CCAR2: variants seen among roughly 807,000 people sequenced by gnomAD.
The protein encoded by CCAR2 is cell cycle and apoptosis regulator 2, also known as cell cycle and apoptosis regulator protein 2.
CCAR2 carries 21 observed loss-of-function variants against 108.1 expected under a neutral mutation model. The observed-to-expected ratio is 0.19, with a 90% confidence interval of 0.14 to 0.28. The LOEUF (loss-of-function observed/expected upper bound fraction) is 0.28. CCAR2 is among the 10% of genes least tolerant of loss of function. The probability of loss-of-function intolerance (pLI) is 1.00; values close to 1 mark genes in which losing one functional copy is unlikely to be tolerated. For missense variants in CCAR2, 1,126 were observed against 1,177.0 expected, an observed-to-expected ratio of 0.96 and a Z score of 0.63; for synonymous variants, 577 against 472.8, an observed-to-expected ratio of 1.22 and a Z score of -2.86.
intron 7 of CCAR2, among the ~76,000 whole-genome samples, chr8:22,609,377 C>G (rs998596347): frequency 3.3e-5 from 5 of 152,154 alleles, no homozygotes; most frequent in Non-Finnish European, 7.4e-5. Flanking sequence ...GTCTCGAACT[C>G]CTGGGCTCAA....
intron 7 of CCAR2, among the ~76,000 whole-genome samples, chr8:22,611,296 A>T (rs1198755975): frequency 6.6e-6 from 1 of 150,458 alleles, no homozygotes; most frequent in Non-Finnish European, 1.5e-5. Context: ...GGGAGGCAGA[A>T]GTTGCAGTGA....
Position 22,618,540 on chromosome 8 carries a change from T to C in CCAR2, c.2220+45T>C, listed in dbSNP as rs371269874. 3.1e-6 allele frequency: 5 copies of C among 1,613,982 alleles called. No homozygotes were observed. In the African/African-American group the frequency reaches 6.7e-5, roughly 22 times the overall value. On this transcript the variant is annotated intron_variant, in intron 17 of 20. Coordinates refer to ENST00000308511, the MANE Select transcript of CCAR2 (RefSeq NM_001393997.1). ...CCAGCACATGGGCACAGGCCTGCAC[T>C]TACTCCTGCTCTAGGTTCCCGCCCA... is the stretch of plus-strand genomic sequence containing the variant.
rs765432499 is a variant in CCAR2 at position 22,612,941 on chromosome 8, A to C, written c.585-76A>C. The C allele has an allele frequency of 1.2e-5, 17 of 1,454,814 alleles. No homozygotes were observed. In the South Asian group the frequency reaches 2.2e-4, roughly 18 times the overall value. The allele number at this position is 1,454,814 out of a possible 1,614,324, so 90.1% of individuals were successfully genotyped here. On this transcript the variant is annotated intron_variant, in intron 7 of 20. Transcript: ENST00000308511. ...AATGTGAGGGATTTCGATTGTTTCC[A>C]GTTCTTTTAGTTCAGTTTGTATTGA...
intron 7 of CCAR2, among the ~76,000 whole-genome samples, chr8:22,612,483 G>T (rs561503815): frequency 6.7e-6 from 1 of 148,442 alleles, no homozygotes; most frequent in Non-Finnish European, 1.5e-5. Context: ...GGCCAGGATG[G>T]TCTCGATCTC....
chr8:22,612,178 C>T (rs567122530), intron 7 of CCAR2, among the ~76,000 whole-genome samples: 146 of 152,314 alleles, frequency 9.6e-4, no homozygotes, highest in Middle Eastern at 3.4e-3. Flanking sequence ...AACTCCCGAC[C>T]TCAAGTGATC....
In CCAR2 at chr8:22,614,281, C is replaced by T. The variant is rs917812647; in HGVS notation, c.894C>T (p.Ile298=). ...CTCCAGACGCTGGTGCTGAGCCCAT[C>T]ACTGCAGACAGTGACCCCGCTTATA... ...EAAPDAGAEP[I]TADSDPAYSS... is the part of the protein sequence containing the mutation. The change falls in exon 9 of 21, where the codon ATC becomes ATT. Residue 298 remains isoleucine (I), a synonymous_variant. Transcript: ENST00000308511. The T allele has an allele frequency of 1.9e-6, 3 of 1,614,000 alleles. No homozygotes were observed. Among genetic ancestry groups the T allele is most frequent in the Admixed American group, 1.7e-5 (1 of 60,000 alleles).
chr8:22,615,545 G>C lies in CCAR2; in HGVS notation c.1326G>C (p.Leu442=). The change falls in exon 12 of 21, where the codon CTG becomes CTC. Residue 442 remains leucine, a synonymous_variant. Transcript: ENST00000308511. ...IMPTLEEWEA[L]CQQKAAEAAP... Reference sequence around the variant, plus strand: ...CTACTTTGGAGGAGTGGGAGGCCCTGTGCCAGCAGAAAGCTGCAGAGGCAG... The same window carrying C: ...CTACTTTGGAGGAGTGGGAGGCCCTCTGCCAGCAGAAAGCTGCAGAGGCAG... 2 of 1,613,988 alleles carry C rather than the reference G, an allele frequency of 1.2e-6. No individual in the cohort carries two copies. Among genetic ancestry groups the C allele is most frequent in the Non-Finnish European group, 8.5e-7 (1 of 1,180,034 alleles).
chr8:22,621,498 G>A (rs2117487246), downstream of CCAR2: 7 of 1,613,984 alleles, frequency 4.3e-6, no homozygotes, highest in Middle Eastern at 3.3e-4. Flanking sequence ...CTGCTCATCG[G>A]AGTGGCCTGG....
intron 11 of CCAR2, 173 bp downstream of exon 11, chr8:22,615,174 C>T: frequency 1.0e-6 from 1 of 982,810 alleles, no homozygotes; most frequent in Non-Finnish European, 1.5e-6. Flanking sequence ...TCTGGCTGAG[C>T]CACCAGGCTG....
Position 22,605,936 on chromosome 8 carries a change from G to C in CCAR2, c.58+105G>C, listed in dbSNP as rs1801060833. ...GCAATTTGCTGCTGATGTTCCTCTGGAAAGCAGGAGATGCCCACAGTGATT... is the reference window on the plus strand; with the variant it reads ...GCAATTTGCTGCTGATGTTCCTCTGCAAAGCAGGAGATGCCCACAGTGATT... On this transcript the variant is annotated intron_variant, in intron 2 of 20. Coordinates refer to ENST00000308511, the MANE Select transcript of CCAR2 (RefSeq NM_001393997.1). 4 of 1,322,374 alleles carry C rather than the reference G, an allele frequency of 3.0e-6. No individual in the cohort carries two copies. The Admixed American group carries it at 7.0e-5, about 23-fold the overall frequency. 81.9% of individuals were successfully genotyped at this position (1,322,374 alleles called of 1,614,324 possible).
In CCAR2 at chr8:22,618,373, G is replaced by C. The variant is rs1334215279; in HGVS notation, c.2098G>C (p.Val700Leu). The C allele has an allele frequency of 1.2e-6, 2 of 1,614,136 alleles. No homozygotes were observed. The highest frequency in any genetic ancestry group is 1.7e-5 in the Admixed American group (1 of 60,012). Residue 700 changes from valine (V) to leucine (L), a missense_variant, in exon 17 of 21, where the codon GTG becomes CTG. Physicochemically the swap from Val to Leu is conservative, Grantham distance 32. This residue lies in a region of CCAR2 where 1,013 missense variants were observed against 993.9 expected (regional missense o/e 1.02). Coordinates refer to ENST00000308511, the MANE Select transcript of CCAR2 (RefSeq NM_001393997.1). ...DMPKELDPSA[V>L]LPLDCLLAFV... ...GCCCAAGGAGCTGGATCCCTCTGCT[G>C]TGCTCCCCTTAGACTGTCTGCTTGC...
chr8:22,605,770 C>T lies in CCAR2; in HGVS notation c.-4C>T. ...CACGACTCTGAAAGAGGACAGCGTTCCCAATGTCCCAGTTTAAGCGCCAGC... is the reference window on the plus strand; with the variant it reads ...CACGACTCTGAAAGAGGACAGCGTTTCCAATGTCCCAGTTTAAGCGCCAGC... On this transcript the variant is annotated 5_prime_UTR_variant, in exon 2 of 21. Coordinates refer to ENST00000308511, the MANE Select transcript of CCAR2 (RefSeq NM_001393997.1). The T allele has an allele frequency of 4.3e-6, 7 of 1,613,390 alleles. No individual in the cohort carries two copies. Among genetic ancestry groups the T allele is most frequent in the Non-Finnish European group, 5.9e-6 (7 of 1,179,390 alleles).
At chr8:22,616,584 G>A (rs1053893250) in intron 14 of CCAR2, 8 of 319,522 alleles carry the variant, frequency 2.5e-5, no homozygotes, top group Non-Finnish European at 4.2e-5. Context: ...TTGGGAGACC[G>A]AGGTGGGCAG....
chr8:22,620,739 A>AAAAAT (rs1257183422), downstream of CCAR2: 5 of 152,250 alleles, frequency 3.3e-5, no homozygotes, highest in African/African-American at 9.6e-5. Context: ...TTTTACTTGA[A>AAAAAT]AAAATAAAAT....
At chr8:22,620,533 C>A (rs892807418), downstream of CCAR2, 1 of 152,146 alleles carries the variant, frequency 6.6e-6, no homozygotes, top group Non-Finnish European at 1.5e-5. Context: ...GCCCTCCCAC[C>A]CAGCGCCTCT....
intron 8 of CCAR2, chr8:22,613,793 C>A (rs967627799): frequency 2.8e-6 from 1 of 353,882 alleles, no homozygotes; most frequent in Non-Finnish European, 5.1e-6. Flanking sequence ...TGTCAATTTT[C>A]CGTTTTAGGC....
intron 8 of CCAR2, among the ~76,000 whole-genome samples, chr8:22,613,352 GTTCTT>G (rs1801368441): frequency 8.8e-6 from 1 of 114,128 alleles, no homozygotes; most frequent in African/African-American, 3.4e-5. Context: ...ATTAGATCTA[GTTCTT>G]TTTTTTTTTT....
rs1037594609 is a variant in CCAR2, at chr8:22,605,717, C to G, written c.-38-19C>G. The G allele has an allele frequency of 6.8e-7, 1 of 1,463,428 alleles. No individual in the cohort carries two copies. Among genetic ancestry groups the G allele is most frequent in the Non-Finnish European group, 9.5e-7 (1 of 1,049,908 alleles). 90.7% of individuals were successfully genotyped at this position (1,463,428 alleles called of 1,614,324 possible). On this transcript the variant is annotated intron_variant, in intron 1 of 20. Transcript: ENST00000308511. ...AATTTCCCTTATAAGCTGTTAATTTCTTTCTTTTTGGATTGAAGCCTTTTC... is the reference window on the plus strand; with the variant it reads ...AATTTCCCTTATAAGCTGTTAATTTGTTTCTTTTTGGATTGAAGCCTTTTC...
chr8:22,614,719 T>C, intron 10 of CCAR2, 119 bp from the exon 11 acceptor site: 2 of 847,474 alleles, frequency 2.4e-6, no homozygotes, highest in South Asian at 1.9e-5. Flanking sequence ...GAGACCTCAC[T>C]GTGTGGTGGA....
Sources: allele counts gnomAD v4.1 joint callset (sites outside exome capture counted in the v4.1 genomes callset), GRCh38; gene constraint gnomAD v4.1.1; regional missense constraint gnomAD v4.1.1; transcripts MANE v1.5; gene names NCBI Gene and HGNC (gene_info 2026-07-23, HGNC 2026-07-21).